The following MTA1 variants were observed in gnomAD, a reference collection of about 807,000 sequenced individuals.
The protein encoded by MTA1 is metastasis-associated protein MTA1.
A neutral mutation model predicts 97.0 loss-of-function variants in MTA1; 15 were observed. The ratio of observed to expected loss-of-function variants is 0.15; its 90% CI spans 0.10 to 0.24. MTA1 has a LOEUF of 0.24. Ranked by LOEUF, MTA1 falls within the 10% of genes least tolerant of loss-of-function variation. The pLI is 1.00. For missense variants in MTA1, 709 were observed against 1,015.1 expected, an observed-to-expected ratio of 0.70 and a Z score of 4.10; for synonymous variants, 435 against 417.5, an observed-to-expected ratio of 1.04 and a Z score of -0.51.
At chr14:105,437,791 G>A (rs1394131439) in intron 1 of MTA1, among the ~76,000 whole-genome samples, 1 of 152,234 alleles carries the variant, frequency 6.6e-6, no homozygotes, top group Non-Finnish European at 1.5e-5. Flanking sequence ...GGTTCGTGAG[G>A]ACATGGCCTC....
chr14:105,464,627 C>T (rs1273445873), intron 14 of MTA1, 47 bp from the exon 15 acceptor site: 1 of 1,608,314 alleles, frequency 6.2e-7, no homozygotes, highest in Non-Finnish European at 8.5e-7. Flanking sequence ...GGGTCCTCGG[C>T]CCCCGGTCAT....
rs2083774174 is a variant in MTA1 at position 105,470,115 on chromosome 14, G to A, written c.2048G>A (p.Arg683Gln). The A allele has an allele frequency of 1.2e-5, 20 of 1,612,442 alleles. No homozygotes were observed. Among genetic ancestry groups the A allele is most frequent in the Non-Finnish European group, 1.6e-5 (19 of 1,179,852 alleles). ...SSSETKRAAR[R>Q]PYKPIALRQS... is the part of the protein sequence containing the mutation. ...TCGGAAACCAAGCGTGCTGCCCGCC[G>A]GCCCTACAAGCCCATCGCCCTGCGC... The change falls in exon 21 of 21, where the codon CGG becomes CAG. Residue 683 changes from arginine to glutamine, a missense_variant. Arg to Gln is a conservative substitution (Grantham distance 43). Transcript: ENST00000331320.
At chr14:105,443,446 AT>A (rs1174479299) in intron 2 of MTA1, among the ~76,000 whole-genome samples, 2 of 152,142 alleles carry the variant, frequency 1.3e-5, no homozygotes, top group African/African-American at 4.8e-5. Context: ...ATCTCAACTC[AT>A]TGCAGCCTTG....
chr14:105,463,069 G>C lies in MTA1; in HGVS notation c.943-115G>C, dbSNP rs1037182656. 25 of 1,014,946 alleles carry C rather than the reference G, an allele frequency of 2.5e-5. No individual in the cohort carries two copies. Among genetic ancestry groups the C allele is most frequent in the Middle Eastern group, 4.5e-4 (2 of 4,452 alleles). 62.9% of individuals were successfully genotyped at this position (1,014,946 alleles called of 1,614,324 possible). On this transcript the variant is annotated intron_variant, in intron 10 of 20. Transcript: ENST00000331320. This position sits in a 1 kb window ranked among gnomAD's most constrained non-coding sequence, Gnocchi z 5.9. ...GGCCTCCGTGCACCAAGCACACCTC[G>C]CCCTCTGGCCTCCCGCCCCCTCTGT...
chr14:105,458,600 G>A (rs966650418), intron 8 of MTA1, among the ~76,000 whole-genome samples: 2 of 152,214 alleles, frequency 1.3e-5, no homozygotes, highest in African/African-American at 2.4e-5. Flanking sequence ...GGGCAGGCCT[G>A]TGTGCCTGCC....
In MTA1 at chr14:105,469,627, G is replaced by A. The variant is rs926350348; in HGVS notation, c.1845+129G>A. 1.2e-5 allele frequency: 15 copies of A among 1,265,736 alleles called. 1 individual carries two copies. The highest frequency in any genetic ancestry group is 1.7e-5 in the Non-Finnish European group (15 of 896,644). 78.4% of individuals were successfully genotyped at this position (1,265,736 alleles called of 1,614,324 possible). ...TCCAGGAGGCCTGGCAAGACCAGAG[G>A]GGCTGCAGCATGTGGGGGCCATGGC... On this transcript the variant is annotated intron_variant, in intron 19 of 20. Transcript: ENST00000331320.
intron 2 of MTA1, 40 bp downstream of exon 2, chr14:105,438,779 G>T: frequency 1.9e-6 from 3 of 1,603,514 alleles, no homozygotes; most frequent in Non-Finnish European, 2.6e-6. Context: ...GGGGTAGTGG[G>T]TGGGGGCTAC....
chr14:105,445,234 C>T (rs956357838), intron 2 of MTA1, among the ~76,000 whole-genome samples, 184 bp from the exon 3 acceptor site: 16 of 152,188 alleles, frequency 1.1e-4, no homozygotes, highest in South Asian at 2.1e-4. Flanking sequence ...CTGGGATAGA[C>T]GCCACGGGCG....
At position 105,444,122 on chromosome 14, in the gene MTA1, C is replaced by G. The variant is rs150673858; in HGVS notation, c.97-1296C>G. On this transcript the variant is annotated intron_variant, in intron 2 of 20. Coordinates refer to ENST00000331320, the MANE Select transcript of MTA1 (RefSeq NM_004689.4). ...GGTGCGGTGGCTCACGCCTGTAACC[C>G]CAGCACTTTGAGAGACCAAGACGGG... 8.0e-4 allele frequency among the ~76,000 whole-genome samples: 120 copies of G among 150,938 alleles called. 3 individuals are homozygous for G. In the East Asian group the frequency reaches 0.013, roughly 16 times the overall value.
rs1218203026 is a variant in MTA1 at position 105,463,629 on chromosome 14, G to A, written c.1076+78G>A. Reference sequence around the variant, plus strand: ...TGGGCACAGGGTGCTGGGGCCAGGCGGGTCCCAAGGAAACTCAAGCTCAGA... The same window carrying A: ...TGGGCACAGGGTGCTGGGGCCAGGCAGGTCCCAAGGAAACTCAAGCTCAGA... On this transcript the variant is annotated intron_variant, in intron 12 of 20. Coordinates refer to ENST00000331320, the MANE Select transcript of MTA1 (RefSeq NM_004689.4). The surrounding 1 kb of genome is among the most constrained non-coding windows in gnomAD (Gnocchi z 5.9). 3.2e-5 allele frequency: 45 copies of A among 1,421,704 alleles called. No homozygotes were observed. Among genetic ancestry groups the A allele is most frequent in the Non-Finnish European group, 3.8e-5 (39 of 1,013,992 alleles). The allele number at this position is 1,421,704 out of a possible 1,614,324, so 88.1% of individuals were successfully genotyped here. A position where few individuals can be genotyped will look rare whatever the true frequency, so the allele number is the denominator to read the frequency against.
rs1204389178 is a variant in MTA1, at chr14:105,420,187, C to G, written c.28+124C>G. 6.7e-6 allele frequency: 3 copies of G among 447,222 alleles called. No homozygotes were observed. Among genetic ancestry groups the G allele is most frequent in the Non-Finnish European group, 8.9e-6 (3 of 335,932 alleles). The allele number at this position is 447,222 out of a possible 1,614,324, so 27.7% of individuals were successfully genotyped here. A position where few individuals can be genotyped will look rare whatever the true frequency, so the allele number is the denominator to read the frequency against. On this transcript the variant is annotated intron_variant, in intron 1 of 20. Coordinates refer to ENST00000331320, the MANE Select transcript of MTA1 (RefSeq NM_004689.4). This position sits in a 1 kb window ranked among gnomAD's most constrained non-coding sequence, Gnocchi z 5.3. ...GCCCCCCGCCCGCCCTCGCGGCCCC[C>G]GGCTCCTTCCCGAACCGCCCCCCGC...
At chr14:105,439,513 G>A (rs1328838046) in intron 2 of MTA1, among the ~76,000 whole-genome samples, 2 of 152,206 alleles carry the variant, frequency 1.3e-5, no homozygotes, top group African/African-American at 2.4e-5. Flanking sequence ...GGCCATGGAG[G>A]TGTAGGGCGC....
intron 2 of MTA1, among the ~76,000 whole-genome samples, chr14:105,445,204 G>A (rs1279052008): frequency 6.6e-6 from 1 of 152,234 alleles, no homozygotes; most frequent in Non-Finnish European, 1.5e-5. Flanking sequence ...GAGGTTGGGT[G>A]CACACGCCCG....
intron 6 of MTA1, among the ~76,000 whole-genome samples, chr14:105,453,245 G>T (rs138289634): frequency 6.6e-6 from 1 of 152,276 alleles, no homozygotes; most frequent in Non-Finnish European, 1.5e-5. Context: ...GGAATGCTCC[G>T]TAGCGCTCCA....
At chr14:105,447,509 C>A (rs1212394864) in intron 3 of MTA1, among the ~76,000 whole-genome samples, 1 of 152,158 alleles carries the variant, frequency 6.6e-6, no homozygotes, top group African/African-American at 2.4e-5. Context: ...GAAGGGGACT[C>A]CAGACATAAC....
chr14:105,438,862 C>G, intron 2 of MTA1, 123 bp downstream of exon 2: 1 of 903,520 alleles, frequency 1.1e-6, no homozygotes, highest in Non-Finnish European at 1.7e-6. Flanking sequence ...GGCCACTGCA[C>G]AGGCCCTTCA....
chr14:105,432,605 A>T (rs76091592), intron 1 of MTA1, among the ~76,000 whole-genome samples: 7,057 of 152,314 alleles, frequency 0.046, 525 homozygotes, highest in African/African-American at 0.16. Flanking sequence ...GACTGCCATC[A>T]TCAATACACC....
At chr14:105,466,393 G>C (rs782665076) in intron 16 of MTA1, 33 bp from the exon 17 acceptor site, 117 of 1,589,322 alleles carry the variant, frequency 7.4e-5, no homozygotes, top group Non-Finnish European at 9.3e-5. Context: ...GCTGGGCAGA[G>C]GCAACTCGTT....
At chr14:105,441,560 C>T (rs1352588977) in intron 2 of MTA1, among the ~76,000 whole-genome samples, 1 of 152,160 alleles carries the variant, frequency 6.6e-6, no homozygotes, top group Non-Finnish European at 1.5e-5. Context: ...TTTGAGAGGC[C>T]GAGGCGGGCG....
Sources: allele counts gnomAD v4.1 joint callset (sites outside exome capture counted in the v4.1 genomes callset), GRCh38; gene constraint gnomAD v4.1.1; non-coding constraint Gnocchi (gnomAD v3.1); transcripts MANE v1.5; gene names NCBI Gene and HGNC (gene_info 2026-07-23, HGNC 2026-07-21).